Variants in RYR2 observed in about 807,000 individuals in gnomAD.
The protein encoded by RYR2 is cardiac muscle ryanodine receptor-calcium release channel.
A neutral mutation model predicts 601.1 loss-of-function variants in RYR2; 227 were observed. The ratio of observed to expected loss-of-function variants is 0.38; its 90% confidence interval spans 0.34 to 0.42. The LOEUF is 0.42. Among genes scored for constraint, RYR2 ranks in the 10% least tolerant of loss-of-function variants. RYR2 has a pLI of 1.00. For synonymous variants in RYR2, 2,223 were observed against 2,175.1 expected (o/e 1.02, Z -0.61); for missense variants, 4,646 against 6,156.5 (o/e 0.75, Z 8.21).
intron 74 of RYR2, among the ~76,000 whole-genome samples, chr1:237,724,211 A>ATATATATATATATATATC (rs1690010130): frequency 8.4e-6 from 1 of 118,412 alleles, no homozygotes; most frequent in African/African-American, 2.8e-5. Context: ...ATATATATAT[A>ATATATATATATATATATC]TATATATGTA....
intron 29 of RYR2, among the ~76,000 whole-genome samples, chr1:237,574,691 T>C (rs530951719): frequency 6.6e-6 from 1 of 152,222 alleles, no homozygotes; most frequent in Admixed American, 6.5e-5. Flanking sequence ...AGGCTGCTTC[T>C]GAGAACTGAG....
chr1:237,577,072 A>G (rs1673301562), intron 29 of RYR2, among the ~76,000 whole-genome samples: 1 of 152,176 alleles, frequency 6.6e-6, no homozygotes. Context: ...AAAATGGAAT[A>G]TTCACATACC....
chr1:237,719,610 C>T (rs972153468), intron 73 of RYR2, among the ~76,000 whole-genome samples: 1 of 152,162 alleles, frequency 6.6e-6, no homozygotes, highest in Non-Finnish European at 1.5e-5. Flanking sequence ...CAAGGGGATG[C>T]TGCGAAGCCA....
chr1:237,237,582 A>G (rs1685676090), intron 1 of RYR2, among the ~76,000 whole-genome samples: 1 of 152,246 alleles, frequency 6.6e-6, no homozygotes, highest in Admixed American at 6.5e-5. Context: ...TACCAAATTC[A>G]GACCTGACTC....
At chr1:237,235,617 T>A (rs1685480680) in intron 1 of RYR2, among the ~76,000 whole-genome samples, 1 of 152,216 alleles carries the variant, frequency 6.6e-6, no homozygotes, top group Non-Finnish European at 1.5e-5. Context: ...GAAAAGTTTG[T>A]GTTTGACAAT....
At chr1:237,759,288 A>G (rs9645346) in intron 82 of RYR2, among the ~76,000 whole-genome samples, 5 of 151,942 alleles carry the variant, frequency 3.3e-5, no homozygotes, top group Admixed American at 2.0e-4. Context: ...GGGTTTCACT[A>G]TGTTGGTCAG....
At chr1:237,048,770 C>T (rs138703395) in intron 1 of RYR2, among the ~76,000 whole-genome samples, 2 of 152,132 alleles carry the variant, frequency 1.3e-5, no homozygotes, top group East Asian at 1.9e-4. Context: ...TGTTGGGCAT[C>T]GGTTTCCCAT....
chr1:237,512,172 T>C (rs1470584941), intron 24 of RYR2, among the ~76,000 whole-genome samples: 6 of 152,210 alleles, frequency 3.9e-5, no homozygotes, highest in Admixed American at 3.3e-4. Flanking sequence ...AGCAAGTGTT[T>C]ATAAACTTCT....
Position 237,714,990 on chromosome 1 carries a change from T to TTAAAAAAAAA in RYR2, c.10324-2208_10324-2207insTAAAAAAAAA, listed in dbSNP as rs1558274627. 2.2e-5 allele frequency among the ~76,000 whole-genome samples: 2 copies of TTAAAAAAAAA among 89,400 alleles called. 1 individual carries two copies. The allele number at this position is 89,400 out of a possible 152,430, so 58.6% of individuals were successfully genotyped here. On this transcript the variant is annotated intron_variant, in intron 71 of 104. Coordinates refer to ENST00000366574, the MANE Select transcript of RYR2 (RefSeq NM_001035.3). ...CCTGGTGACAGAGCGAGACTCCATC[T>TTAAAAAAAAA]CAAAAAAAAAAAAAAAAAAAAAAAA...
At chr1:237,197,156 G>A (rs1407338500) in intron 1 of RYR2, among the ~76,000 whole-genome samples, 7 of 152,022 alleles carry the variant, frequency 4.6e-5, no homozygotes, top group Admixed American at 1.3e-4. Flanking sequence ...ATAATTTACC[G>A]AAAGATTCCA....
At chr1:237,522,584 A>G (rs6681109) in intron 24 of RYR2, among the ~76,000 whole-genome samples, 3,506 of 152,266 alleles carry the variant, frequency 0.023, 41 homozygotes, top group African/African-American at 0.032. Context: ...CACCGACCAT[A>G]TGTTTCATGA....
rs547178237 is a variant in RYR2, at chr1:237,661,155, C to A, written c.8436+208C>A. The stretch of plus-strand genomic sequence containing the variant: ...TAAGTTACTGGACTTTATGTACAAG[C>A]CTTCCTTTTCCTGGCTAGTATAGAA... On this transcript the variant is annotated intron_variant, in intron 56 of 104. Coordinates refer to ENST00000366574, the MANE Select transcript of RYR2 (RefSeq NM_001035.3). 9.3e-4 allele frequency among the ~76,000 whole-genome samples: 142 copies of A among 152,206 alleles called. 1 individual carries two copies. Among genetic ancestry groups the A allele is most frequent in the African/African-American group, 3.3e-3 (135 of 41,528 alleles).
chr1:237,492,319 A>G (rs183482143), intron 18 of RYR2, among the ~76,000 whole-genome samples: 131 of 152,354 alleles, frequency 8.6e-4, no homozygotes, highest in Non-Finnish European at 1.6e-3. Context: ...GGCATGAGCC[A>G]CCGCGCCTGG....
intron 1 of RYR2, among the ~76,000 whole-genome samples, chr1:237,104,409 C>T (rs912550022): frequency 6.6e-6 from 1 of 152,152 alleles, no homozygotes; most frequent in Non-Finnish European, 1.5e-5. Context: ...GCTGCTGTCC[C>T]CTCCCACCTG....
At position 237,466,353 on chromosome 1, in the gene RYR2, A is replaced by C. The variant is rs576561316; in HGVS notation, c.1613-2739A>C. 1.1e-4 allele frequency among the ~76,000 whole-genome samples: 16 copies of C among 152,226 alleles called. 1 individual carries two copies. The highest frequency in any genetic ancestry group is 1.0e-3 in the South Asian group (5 of 4,828). Reference sequence around the variant, plus strand: ...GAAAAATTTTTTAAAAATTTTGCACAGACTGGGTCATGCTATGTTGCCCAG... The same window carrying C: ...GAAAAATTTTTTAAAAATTTTGCACCGACTGGGTCATGCTATGTTGCCCAG... On this transcript the variant is annotated intron_variant, in intron 16 of 104. Coordinates refer to ENST00000366574, the MANE Select transcript of RYR2 (RefSeq NM_001035.3).
chr1:237,499,026 C>T (rs1664360492), intron 20 of RYR2, among the ~76,000 whole-genome samples: 1 of 151,710 alleles, frequency 6.6e-6, no homozygotes, highest in Non-Finnish European at 1.5e-5. Flanking sequence ...TTATGAAGCT[C>T]GAATTCATAG....
At position 237,445,447 on chromosome 1, in the gene RYR2, C is replaced by T. The variant is rs759830423; in HGVS notation, c.1217C>T (p.Ser406Leu). Residue 406 changes from serine to leucine, a missense_variant, in exon 14 of 105, where the codon TCG (serine) becomes TTG (leucine). Physicochemically the swap from Ser to Leu is moderately radical, Grantham distance 145. This residue lies in a region of RYR2 where 1,807 missense variants were observed against 2,088.1 expected (regional missense o/e 0.87). Transcript: ENST00000366574. Reference protein sequence around the residue: ...EGHMDDGISLSRSQHEESRTA... With the variant: ...EGHMDDGISLLRSQHEESRTA... ...CACATGGATGATGGCATAAGTTTGT[C>T]GAGATCCCAGCATGAAGAATCACGC... 24 of 1,613,546 alleles carry T rather than the reference C, an allele frequency of 1.5e-5. No individual in the cohort carries two copies. Among genetic ancestry groups the T allele is most frequent in the African/African-American group, 5.3e-5 (4 of 74,898 alleles).
At chr1:237,490,552 A>G (rs1558908121) in intron 17 of RYR2, among the ~76,000 whole-genome samples, 1 of 152,082 alleles carries the variant, frequency 6.6e-6, no homozygotes, top group Non-Finnish European at 1.5e-5. Context: ...GTATACTTAT[A>G]TAAAGATCTG....
chr1:237,087,436 C>T (rs1666468446), intron 1 of RYR2, among the ~76,000 whole-genome samples: 1 of 152,030 alleles, frequency 6.6e-6, no homozygotes, highest in African/African-American at 2.4e-5. Flanking sequence ...CTACCAAAAT[C>T]AGGATAAAAA....
Sources: allele counts gnomAD v4.1 joint callset (sites outside exome capture counted in the v4.1 genomes callset), GRCh38; gene constraint gnomAD v4.1.1; regional missense constraint gnomAD v4.1.1; transcripts MANE v1.5; gene names NCBI Gene and HGNC (gene_info 2026-07-23, HGNC 2026-07-21).